GRID2: variants seen among roughly 807,000 people sequenced by gnomAD.
GRID2 encodes glutamate receptor ionotropic, delta-2.
Under a neutral mutation model 114.8 loss-of-function variants are expected in GRID2, and 33 were observed. The observed-to-expected ratio is 0.29, with a 90% CI of 0.22 to 0.38. GRID2 has a LOEUF of 0.38. GRID2 is among the 10% of genes least tolerant of loss of function. GRID2 has a pLI of 1.00. For synonymous variants in GRID2, 505 were observed against 449.9 expected (o/e 1.12, Z -1.55); for missense variants, 1,184 against 1,257.7 (o/e 0.94, Z 0.89).
intron 1 of GRID2, among the ~76,000 whole-genome samples, chr4:92,583,949 C>A (rs1728303127): frequency 6.7e-6 from 1 of 149,582 alleles, no homozygotes; most frequent in African/African-American, 2.5e-5. Flanking sequence ...ACAAACATTG[C>A]CTTCACCTTC....
intron 2 of GRID2, among the ~76,000 whole-genome samples, chr4:92,893,155 A>G (rs1341146459): frequency 6.6e-6 from 1 of 152,164 alleles, no homozygotes; most frequent in Non-Finnish European, 1.5e-5. Context: ...AGTAAAACTC[A>G]GAATGTAGAT....
rs898582581 is a variant in GRID2 at position 93,541,317 on chromosome 4, A to G, written c.2193+25906A>G. Among the ~76,000 whole-genome samples, 9 of 152,202 alleles carry G rather than the reference A, an allele frequency of 5.9e-5. No homozygotes were observed. In the South Asian group the frequency reaches 1.9e-3, roughly 32 times the overall value. ...TTATAAAAGTTAACAACATGACTAT[A>G]ATGTTTCCCAGCAAAACACCCTACA... On this transcript the variant is annotated intron_variant, in intron 13 of 15. Transcript: ENST00000282020.
intron 1 of GRID2, among the ~76,000 whole-genome samples, chr4:93,794,025 G>GAAA (rs71581558): frequency 6.8e-6 from 1 of 146,894 alleles, no homozygotes; most frequent in East Asian, 2.0e-4. Context: ...CCCATCTGCA[G>GAAA]AAAAAAAAAA....
intron 2 of GRID2, among the ~76,000 whole-genome samples, chr4:92,761,675 G>C (rs1436126378): frequency 6.6e-6 from 1 of 152,026 alleles, no homozygotes; most frequent in Non-Finnish European, 1.5e-5. Flanking sequence ...GACAACTGCA[G>C]GGCTCACAAG....
chr4:93,562,307 G>A (rs890593621), intron 13 of GRID2, among the ~76,000 whole-genome samples: 6 of 151,798 alleles, frequency 4.0e-5, no homozygotes, highest in Admixed American at 3.9e-4. Context: ...ATAATAATAA[G>A]ATGTCATATG....
chr4:93,155,628 G>T (rs933089249), intron 4 of GRID2, among the ~76,000 whole-genome samples: 1 of 151,892 alleles, frequency 6.6e-6, no homozygotes, highest in Non-Finnish European at 1.5e-5. Context: ...GTAAGAATTA[G>T]CATGGCTGGA....
intron 4 of GRID2, among the ~76,000 whole-genome samples, chr4:93,121,090 TATA>T (rs1352561724): frequency 2.0e-5 from 3 of 152,078 alleles, no homozygotes; most frequent in Non-Finnish European, 4.4e-5. Flanking sequence ...GAACTTAAAG[TATA>T]ATAATAATAA....
chr4:93,009,065 A>T (rs575631734), intron 2 of GRID2, among the ~76,000 whole-genome samples: 15 of 152,172 alleles, frequency 9.9e-5, no homozygotes, highest in East Asian at 1.9e-4. Flanking sequence ...TCTAATCAAA[A>T]TTTTTTGGGA....
At chr4:92,760,529 G>A (rs1438391604) in intron 2 of GRID2, among the ~76,000 whole-genome samples, 1 of 152,030 alleles carries the variant, frequency 6.6e-6, no homozygotes, top group Non-Finnish European at 1.5e-5. Flanking sequence ...TCCAGCTTCA[G>A]GGTTGCTTCA....
At chr4:93,783,201 G>T (rs995351732) in intron 1 of GRID2, among the ~76,000 whole-genome samples, 5 of 152,248 alleles carry the variant, frequency 3.3e-5, no homozygotes, top group African/African-American at 1.2e-4. Flanking sequence ...TCAGTGCTAG[G>T]CACTATGTAG....
chr4:92,893,058 AT>A (rs139012213), intron 2 of GRID2, among the ~76,000 whole-genome samples: 37 of 152,324 alleles, frequency 2.4e-4, no homozygotes, highest in Non-Finnish European at 3.8e-4. Context: ...TCAATGTTGA[AT>A]GTGAATGTTT....
Position 92,885,573 on chromosome 4 carries a change from C to T in GRID2, c.245-199422C>T, listed in dbSNP as rs912877712. Among the ~76,000 whole-genome samples the T allele has an allele frequency of 1.6e-4, 24 of 152,262 alleles. 4 individuals are homozygous for T. The highest frequency in any genetic ancestry group is 4.6e-4 in the Admixed American group (7 of 15,300). On this transcript the variant is annotated intron_variant, in intron 2 of 15. Transcript: ENST00000282020. The stretch of plus-strand genomic sequence containing the variant: ...TGGTACTTTTCATTTCAAAATCAAA[C>T]ATATTCCTTGCTTTTGTCTGTGATG...
At chr4:92,451,168 G>T (rs1187149906) in intron 1 of GRID2, among the ~76,000 whole-genome samples, 1 of 152,092 alleles carries the variant, frequency 6.6e-6, no homozygotes, top group Non-Finnish European at 1.5e-5. Flanking sequence ...AGACTAGCCT[G>T]ACCGTGGAGC....
At chr4:92,813,487 A>G (rs1740746630) in intron 2 of GRID2, among the ~76,000 whole-genome samples, 1 of 152,142 alleles carries the variant, frequency 6.6e-6, no homozygotes, top group African/African-American at 2.4e-5. Context: ...TGGATATACA[A>G]ACATTCAATT....
intron 2 of GRID2, among the ~76,000 whole-genome samples, chr4:92,615,734 A>G (rs1729976137): frequency 6.6e-6 from 1 of 151,468 alleles, no homozygotes; most frequent in South Asian, 2.1e-4. Context: ...ATAAATTGAA[A>G]TGTGTCATTT....
chr4:93,461,363 C>T (rs1723723686), intron 11 of GRID2, among the ~76,000 whole-genome samples: 1 of 151,974 alleles, frequency 6.6e-6, no homozygotes, highest in South Asian at 2.1e-4. Flanking sequence ...GAGAATAAAT[C>T]AATGACAGTG....
At chr4:92,417,864 C>T (rs1400646730) in intron 1 of GRID2, among the ~76,000 whole-genome samples, 2 of 152,198 alleles carry the variant, frequency 1.3e-5, no homozygotes, top group African/African-American at 4.8e-5. Context: ...GAATAAGTCT[C>T]ATGCGATCTG....
chr4:93,316,276 A>AAAAGAAAG lies in GRID2; in HGVS notation c.1245+77792_1245+77793insAGAAAGAA, dbSNP rs1304320055. Among the ~76,000 whole-genome samples, 10 of 57,320 alleles carry AAAAGAAAG rather than the reference A, an allele frequency of 1.7e-4. 1 individual carries two copies. Among genetic ancestry groups the AAAAGAAAG allele is most frequent in the East Asian group, 1.1e-3 (1 of 906 alleles). The allele number at this position is 57,320 out of a possible 152,430, so 37.6% of individuals were successfully genotyped here. A position where few individuals can be genotyped will look rare whatever the true frequency, so the allele number is the denominator to read the frequency against. ...AAAAAAGAAAGAAAGAGAAAGAAAGAAAAGAACGAAAGAACGAAAGAAAGA... is the reference window on the plus strand; with the variant it reads ...AAAAAAGAAAGAAAGAGAAAGAAAGAAAAGAAAGAAAGAACGAAAGAACGAAAGAAAGA... On this transcript the variant is annotated intron_variant, in intron 8 of 15. Coordinates refer to ENST00000282020, the MANE Select transcript of GRID2 (RefSeq NM_001510.4).
At chr4:92,329,671 T>C (rs1335780358) in intron 1 of GRID2, among the ~76,000 whole-genome samples, 4 of 151,954 alleles carry the variant, frequency 2.6e-5, no homozygotes, top group African/African-American at 9.7e-5. Context: ...GGGTAAACAA[T>C]GATAAACAAA....
Sources: allele counts gnomAD v4.1 joint callset (sites outside exome capture counted in the v4.1 genomes callset), GRCh38; gene constraint gnomAD v4.1.1; transcripts MANE v1.5; gene names NCBI Gene and HGNC (gene_info 2026-07-23, HGNC 2026-07-21).